SNX31: variants seen among roughly 807,000 people sequenced by gnomAD.
SNX31 encodes the protein sorting nexin-31.
Under a neutral mutation model 65.4 loss-of-function variants are expected in SNX31, and 58 were observed. The observed-to-expected ratio is 0.89, with a 90% CI of 0.72 to 1.10. The LOEUF (loss-of-function observed/expected upper bound fraction) is 1.10. Among genes scored for constraint, SNX31 ranks in the 50% least tolerant of loss-of-function variants. The probability of loss-of-function intolerance (pLI) is 0.00; values close to 1 mark genes in which losing one functional copy is unlikely to be tolerated. For missense variants in SNX31, 523 were observed against 529.7 expected (o/e 0.99, Z 0.12); for synonymous variants, 181 against 190.1 (o/e 0.95, Z 0.39).
chr8:100,605,113 G>A (rs548885407), intron 8 of SNX31, among the ~76,000 whole-genome samples: 2 of 151,940 alleles, frequency 1.3e-5, no homozygotes, highest in East Asian at 3.9e-4. Flanking sequence ...TAACCAGGCT[G>A]GTCTTGAACT....
At chr8:100,589,568 G>GTGGTTTTA in intron 10 of SNX31, among the ~76,000 whole-genome samples, 1 of 152,186 alleles carries the variant, frequency 6.6e-6, no homozygotes, top group African/African-American at 2.4e-5. Flanking sequence ...GTTTGTCGTG[G>GTGGTTTTA]TGGTTTTATT....
chr8:100,606,112 G>A (rs1414004490), intron 8 of SNX31, among the ~76,000 whole-genome samples: 1 of 151,768 alleles, frequency 6.6e-6, no homozygotes, highest in Non-Finnish European at 1.5e-5. Context: ...CACATCTTAA[G>A]TGACCTCCGC....
At chr8:100,596,517 A>G (rs1815104252) in intron 10 of SNX31, 122 bp downstream of exon 10, 1 of 759,716 alleles carries the variant, frequency 1.3e-6, no homozygotes, top group Non-Finnish European at 2.2e-6. Context: ...AATGTGGCTT[A>G]GATGTCACTC....
rs1401110942 is a variant in SNX31, at chr8:100,612,606, A to G, written c.523+389T>C. Among the ~76,000 whole-genome samples the G allele has an allele frequency of 6.6e-6, 1 of 152,216 alleles. No homozygotes were observed. Among genetic ancestry groups the G allele is most frequent in the African/African-American group, 2.4e-5 (1 of 41,454 alleles). ...AAAAAGAATCTAATAACTCATTGATACCATCCACAAATATTCCTTAACAAG... is the reference window on the plus strand; with the variant it reads ...AAAAAGAATCTAATAACTCATTGATGCCATCCACAAATATTCCTTAACAAG... On this transcript the variant is annotated intron_variant, in intron 6 of 13. Coordinates refer to ENST00000311812, the MANE Select transcript of SNX31 (RefSeq NM_152628.4). This position sits in a 1 kb window ranked among gnomAD's most constrained non-coding sequence, Gnocchi z 4.3.
chr8:100,638,091 G>A (rs1818904641), intron 2 of SNX31, among the ~76,000 whole-genome samples: 1 of 152,156 alleles, frequency 6.6e-6, no homozygotes, highest in African/African-American at 2.4e-5. Context: ...GGTTGCTTGA[G>A]CCCAGGAGTT....
chr8:100,642,411 T>C (rs1017009840), intron 2 of SNX31, among the ~76,000 whole-genome samples: 4 of 152,228 alleles, frequency 2.6e-5, no homozygotes, highest in African/African-American at 9.6e-5. Context: ...CAGGGCTGCC[T>C]GAGTTATCCA....
intron 11 of SNX31, among the ~76,000 whole-genome samples, chr8:100,585,807 T>C (rs968170346): frequency 6.6e-6 from 1 of 152,210 alleles, no homozygotes; most frequent in African/African-American, 2.4e-5. Context: ...CATATTCTTA[T>C]ACAATGTACA....
At chr8:100,606,885 G>A (rs538220026) in intron 8 of SNX31, among the ~76,000 whole-genome samples, 18 of 152,248 alleles carry the variant, frequency 1.2e-4, no homozygotes, top group Middle Eastern at 3.4e-3. Flanking sequence ...ATGACATAAC[G>A]CACTTAATTA....
chr8:100,634,892 TA>T (rs201201336), intron 3 of SNX31, among the ~76,000 whole-genome samples: 5 of 150,572 alleles, frequency 3.3e-5, no homozygotes, highest in Admixed American at 6.6e-5. Flanking sequence ...CCCACCTCTG[TA>T]AAAAAAATTT....
At position 100,610,620 on chromosome 8, in the gene SNX31, A is replaced by G. The variant is rs1439828219; in HGVS notation, c.611+1380T>C. 1.3e-5 allele frequency among the ~76,000 whole-genome samples: 2 copies of G among 152,220 alleles called. No individual in the cohort carries two copies. Among genetic ancestry groups the G allele is most frequent in the African/African-American group, 4.8e-5 (2 of 41,460 alleles). ...AGATTCACATACTGTAATTCCAGGA[A>G]CAACTGTGCTCAGCCATTCACTACA... On this transcript the variant is annotated intron_variant, in intron 7 of 13. Coordinates refer to ENST00000311812, the MANE Select transcript of SNX31 (RefSeq NM_152628.4). This position sits in a 1 kb window ranked among gnomAD's most constrained non-coding sequence, Gnocchi z 4.0.
At chr8:100,657,329 G>A (rs1256640151) in intron 1 of SNX31, among the ~76,000 whole-genome samples, 2 of 151,946 alleles carry the variant, frequency 1.3e-5, no homozygotes, top group African/African-American at 2.4e-5. Flanking sequence ...GTGCATGCCT[G>A]TAATCCCAGC....
intron 3 of SNX31, 51 bp downstream of exon 3, chr8:100,635,846 T>C (rs754134549): frequency 2.3e-6 from 3 of 1,285,312 alleles, no homozygotes; most frequent in East Asian, 4.6e-5. Flanking sequence ...TTGTGGCATA[T>C]AGCTTACATT....
rs1816523074 is a variant in SNX31 at position 100,609,623 on chromosome 8, G to A, written c.612-1060C>T. Among the ~76,000 whole-genome samples the A allele has an allele frequency of 6.6e-6, 1 of 152,188 alleles. No homozygotes were observed. The highest frequency in any genetic ancestry group is 1.5e-5 in the Non-Finnish European group (1 of 68,044). ...GCTGATCTCTACCAACCAGAAGGCA[G>A]AGGCAAGCAGAGTTGCTATGCTCAG... On this transcript the variant is annotated intron_variant, in intron 7 of 13. Coordinates refer to ENST00000311812, the MANE Select transcript of SNX31 (RefSeq NM_152628.4). The surrounding 1 kb of genome is among the most constrained non-coding windows in gnomAD (Gnocchi z 4.9).
chr8:100,585,441 A>G (rs890813856), intron 11 of SNX31, among the ~76,000 whole-genome samples: 6 of 152,176 alleles, frequency 3.9e-5, no homozygotes, highest in Non-Finnish European at 5.9e-5. Context: ...CTGGGGTGGT[A>G]GCCAAGTAGG....
chr8:100,649,770 A>G, upstream of SNX31: 1 of 417,034 alleles, frequency 2.4e-6, no homozygotes, highest in African/African-American at 2.1e-5. Context: ...GGGCGCATCC[A>G]CGGCCACCCC....
intron 2 of SNX31, among the ~76,000 whole-genome samples, chr8:100,645,380 A>G (rs7841272): frequency 0.065 from 9,960 of 152,250 alleles, 452 homozygotes; most frequent in Non-Finnish European, 0.095. Flanking sequence ...TGAATAGGAG[A>G]AATAAAAACT....
At chr8:100,591,151 G>A (rs536401253) in intron 10 of SNX31, among the ~76,000 whole-genome samples, 155 of 152,250 alleles carry the variant, frequency 1.0e-3, no homozygotes, top group Non-Finnish European at 1.8e-3. Context: ...AAACCTACAT[G>A]AGGCTGGGGA....
At chr8:100,591,561 T>TG (rs1814594721) in intron 10 of SNX31, among the ~76,000 whole-genome samples, 1 of 149,784 alleles carries the variant, frequency 6.7e-6, no homozygotes, top group Non-Finnish European at 1.5e-5. Flanking sequence ...TGGCCAGGCA[T>TG]GGGGGCTCAT....
chr8:100,641,560 A>AT, intron 2 of SNX31, among the ~76,000 whole-genome samples: 5 of 30,748 alleles, frequency 1.6e-4, no homozygotes, highest in African/African-American at 2.3e-4. Context: ...AAAAAAAAAA[A>AT]AAAAAATATA....
Sources: gnomAD v4.1 joint callset for allele counts (sites outside exome capture counted in the v4.1 genomes callset) on GRCh38, gnomAD v4.1.1 for gene constraint, Gnocchi (gnomAD v3.1) non-coding constraint, MANE v1.5 for transcripts, NCBI Gene and HGNC (gene_info 2026-07-23, HGNC 2026-07-21) for gene names.